KNL1: variants seen among roughly 807,000 people sequenced by gnomAD.
KNL1 encodes kinetochore scaffold 1.
KNL1 carries 66 observed loss-of-function variants against 201.3 expected under a neutral mutation model. The ratio of observed to expected loss-of-function variants is 0.33; its 90% CI spans 0.27 to 0.40. The LOEUF is 0.40. KNL1 is among the 10% of genes least tolerant of loss of function. KNL1 has a pLI of 1.00. For missense variants in KNL1, 2,815 were observed against 2,690.5 expected (o/e 1.05, Z -1.02); for synonymous variants, 895 against 899.2 (o/e 1.00, Z 0.08).
chr15:40,623,515 A>G lies in KNL1; in HGVS notation c.3251A>G (p.Asn1084Ser). 6.2e-7 allele frequency: 1 copy of G among 1,613,164 alleles called. No homozygotes were observed. The highest frequency in any genetic ancestry group is 8.5e-7 in the Non-Finnish European group (1 of 1,179,736). The part of the protein sequence containing the change: ...KTIVFSENHK[N>S]DMDITQSCMV... ...ATTGTATTTTCAGAGAATCATAAAA[A>G]TGATATGGATATTACCCAGAGTTGT... The change falls in exon 10 of 26, where the codon AAT becomes AGT. Residue 1084 changes from asparagine to serine, a missense_variant. Asn to Ser is a conservative substitution (Grantham distance 46). Around this residue, in one of 3 missense-constraint regions of KNL1, gnomAD observed 2,464 missense variants for 2,291.7 expected, o/e 1.08. Transcript: ENST00000399668.
rs1218782186 is a variant in KNL1 at position 40,629,370 on chromosome 15, A to G, written c.5681A>G (p.Asn1894Ser). ...CCCCGACAGAGCAATCTCCCAGGCAATGTAAGTGCAGTTTCTTGGCAAAAT... is the reference window on the plus strand; with the variant it reads ...CCCCGACAGAGCAATCTCCCAGGCAGTGTAAGTGCAGTTTCTTGGCAAAAT... The part of the protein sequence containing the change: ...QKPRQSNLPG[N>S]FTVNTPPTPE... The change falls in exon 13 of 26, where the codon AAT becomes AGT. Residue 1894 changes from asparagine (N) to serine (S), a missense_variant and splice_region_variant. Around this residue, in one of 3 missense-constraint regions of KNL1, gnomAD observed 2,464 missense variants for 2,291.7 expected, o/e 1.08. Transcript: ENST00000399668. The G allele has an allele frequency of 7.6e-6, 12 of 1,585,342 alleles. No homozygotes were observed. Among genetic ancestry groups the G allele is most frequent in the Non-Finnish European group, 4.3e-6 (5 of 1,168,446 alleles).
intron 7 of KNL1, among the ~76,000 whole-genome samples, chr15:40,614,782 A>G (rs1021539545): frequency 2.0e-5 from 3 of 152,212 alleles, no homozygotes; most frequent in African/African-American, 7.2e-5. Context: ...CTATTGATGG[A>G]CACTTGAGTG....
chr15:40,601,576 A>T (rs1004948886), intron 1 of KNL1, among the ~76,000 whole-genome samples: 2 of 152,094 alleles, frequency 1.3e-5, no homozygotes, highest in African/African-American at 4.8e-5. Context: ...TCACGCCTGT[A>T]ATCCCAGCAC....
At chr15:40,597,536 A>G (rs1201488260) in intron 1 of KNL1, among the ~76,000 whole-genome samples, 1 of 152,146 alleles carries the variant, frequency 6.6e-6, no homozygotes, top group Non-Finnish European at 1.5e-5. Context: ...CGGCCTCCCA[A>G]AGTGCTGAGA....
At chr15:40,599,207 A>G (rs1263977507) in intron 1 of KNL1, among the ~76,000 whole-genome samples, 1 of 151,126 alleles carries the variant, frequency 6.6e-6, no homozygotes, top group East Asian at 2.0e-4. Flanking sequence ...AGTCCCAGCT[A>G]CTAGGGAGGC....
At chr15:40,602,804 C>G (rs914567590) in intron 1 of KNL1, 111 bp from the exon 2 acceptor site, 17 of 598,892 alleles carry the variant, frequency 2.8e-5, no homozygotes, top group Non-Finnish European at 4.0e-5. Flanking sequence ...CATCTTTGGT[C>G]TTCCCTCAGA....
chr15:40,611,148 G>A (rs1041092007), intron 6 of KNL1, among the ~76,000 whole-genome samples: 3 of 147,546 alleles, frequency 2.0e-5, no homozygotes, highest in East Asian at 2.0e-4. Flanking sequence ...TTGCCCTGTC[G>A]CCCAGGCTAG....
At chr15:40,635,409 C>T (rs914156278) in intron 13 of KNL1, among the ~76,000 whole-genome samples, 5 of 151,848 alleles carry the variant, frequency 3.3e-5, no homozygotes, top group African/African-American at 9.7e-5. Flanking sequence ...GGCTGGAGTG[C>T]GGTGGCATGA....
intron 13 of KNL1, among the ~76,000 whole-genome samples, chr15:40,631,866 A>T (rs1892920065): frequency 6.6e-6 from 1 of 151,858 alleles, no homozygotes; most frequent in Non-Finnish European, 1.5e-5. Flanking sequence ...AAAATTAGCC[A>T]AGTGTAGTGG....
chr15:40,603,106 A>G (rs1187032253), intron 2 of KNL1, 140 bp downstream of exon 2: 2 of 563,280 alleles, frequency 3.6e-6, no homozygotes, highest in Non-Finnish European at 3.1e-6. Flanking sequence ...TTTTTAAATT[A>G]TACTTTAAGT....
chr15:40,620,939 A>C lies in KNL1; in HGVS notation c.675A>C (p.Gly225=). The C allele has an allele frequency of 1.2e-6, 2 of 1,605,630 alleles. No homozygotes were observed. Among genetic ancestry groups the C allele is most frequent in the Non-Finnish European group, 1.7e-6 (2 of 1,177,870 alleles). ...ACTTCATAAAAAGATTGAAAACAGG[A>C]AAATGTAGTGCTTTTCCTGATGTGC... The part of the protein sequence containing the change: ...FNDFIKRLKT[G]KCSAFPDVPD... The change falls in exon 10 of 26, where the codon GGA becomes GGC. Residue 225 remains glycine, a synonymous_variant. Coordinates refer to ENST00000399668, the MANE Select transcript of KNL1 (RefSeq NM_144508.5).
At chr15:40,639,352 G>A (rs527650714) in intron 13 of KNL1, among the ~76,000 whole-genome samples, 9 of 151,210 alleles carry the variant, frequency 6.0e-5, no homozygotes, top group South Asian at 2.1e-4. Context: ...TTGGGAAGCC[G>A]AGGTGGGCAG....
intron 25 of KNL1, among the ~76,000 whole-genome samples, chr15:40,660,489 A>AC (rs1232932326): frequency 7.1e-6 from 1 of 140,560 alleles, no homozygotes. Flanking sequence ...AGTTGGTGAA[A>AC]CCCCGCCTCT....
intron 9 of KNL1, among the ~76,000 whole-genome samples, chr15:40,619,355 A>AATATATATAT (rs71956781): frequency 1.0e-4 from 15 of 146,124 alleles, no homozygotes; most frequent in African/African-American, 3.3e-4. Context: ...CACACAGTGT[A>AATATATATAT]ATATATATAT....
chr15:40,628,320 T>G (rs1161296015), intron 11 of KNL1, 112 bp downstream of exon 11: 3 of 1,113,228 alleles, frequency 2.7e-6, no homozygotes, highest in Non-Finnish European at 3.8e-6. Flanking sequence ...TTTGGGGTTA[T>G]AAAAAGTTGA....
intron 8 of KNL1, chr15:40,616,042 G>A (rs1469529450): frequency 1.3e-5 from 2 of 151,168 alleles, no homozygotes; most frequent in Non-Finnish European, 2.9e-5. Context: ...TGGGATTACA[G>A]GTGTGAGCCA....
At chr15:40,606,307 C>G (rs1170999492) in intron 3 of KNL1, 86 bp from the exon 4 acceptor site, 13 of 777,494 alleles carry the variant, frequency 1.7e-5, no homozygotes, top group South Asian at 3.1e-5. Flanking sequence ...AAAATTTTAG[C>G]TTTCTACCTA....
chr15:40,635,632 G>A (rs1893035717), intron 13 of KNL1, among the ~76,000 whole-genome samples: 1 of 152,132 alleles, frequency 6.6e-6, no homozygotes, highest in South Asian at 2.1e-4. Context: ...GGGATTATAG[G>A]TGTAAGCCAC....
At chr15:40,608,133 G>A (rs1195653451) in intron 4 of KNL1, among the ~76,000 whole-genome samples, 1 of 152,062 alleles carries the variant, frequency 6.6e-6, no homozygotes, top group Non-Finnish European at 1.5e-5. Flanking sequence ...AAAAAAGAAG[G>A]AAATTCTGAC....
Sources: allele counts gnomAD v4.1 joint callset (sites outside exome capture counted in the v4.1 genomes callset), GRCh38; gene constraint gnomAD v4.1.1; regional missense constraint gnomAD v4.1.1; transcripts MANE v1.5; gene names NCBI Gene and HGNC (gene_info 2026-07-23, HGNC 2026-07-21).